The following DYNC2I1 variants were observed in gnomAD, a reference collection of about 807,000 sequenced individuals.
The protein encoded by DYNC2I1 is cytoplasmic dynein 2 intermediate chain 1.
In DYNC2I1, 89 loss-of-function variants were observed where a neutral mutation model predicts 133.4. The observed-to-expected ratio is 0.67, with a 90% confidence interval of 0.56 to 0.80. DYNC2I1 has a LOEUF of 0.80. DYNC2I1 is among the 30% of genes least tolerant of loss of function. The pLI is 0.00. For synonymous variants in DYNC2I1, 504 were observed against 484.3 expected, an observed-to-expected ratio of 1.04 and a Z score of -0.54; for missense variants, 1,291 against 1,314.5, an observed-to-expected ratio of 0.98 and a Z score of 0.28.
upstream of DYNC2I1, among the ~76,000 whole-genome samples, chr7:158,852,140 T>G (rs1344218118): frequency 6.6e-6 from 1 of 151,894 alleles, no homozygotes; most frequent in Non-Finnish European, 1.5e-5. Context: ...GTTTTTTTTT[T>G]TCTTAGATGG....
intron 8 of DYNC2I1, among the ~76,000 whole-genome samples, chr7:158,894,306 C>T (rs1253191265): frequency 6.6e-6 from 1 of 152,160 alleles, no homozygotes. Context: ...TACTGCATGT[C>T]ACTAGTCCAG....
chr7:158,879,614 C>T, intron 4 of DYNC2I1, 70 bp from the exon 5 acceptor site: 3 of 1,476,548 alleles, frequency 2.0e-6, no homozygotes, highest in Non-Finnish European at 2.7e-6. Context: ...GCAGAACCCA[C>T]AGAGAGGGAG....
chr7:158,902,971 C>T, intron 10 of DYNC2I1: 1 of 194,004 alleles, frequency 5.2e-6, no homozygotes, highest in Non-Finnish European at 1.0e-5. Context: ...CAGTGGGAAG[C>T]CTGACTCATG....
At chr7:158,848,420 C>G in the DYNC2I1 span, among the ~76,000 whole-genome samples, 14 of 152,176 alleles carry the variant, frequency 9.2e-5, no homozygotes, top group Non-Finnish European at 1.9e-4. Flanking sequence ...TTTGAGAAGT[C>G]TCATCAAATT....
At chr7:158,912,293 G>C (rs761517415) in intron 12 of DYNC2I1, among the ~76,000 whole-genome samples, 1 of 152,118 alleles carries the variant, frequency 6.6e-6, no homozygotes, top group Non-Finnish European at 1.5e-5. Context: ...AGGTTCTAAA[G>C]ATTTTGAAGT....
At chr7:158,915,292 GGAT>G (rs1847962658) in intron 14 of DYNC2I1, among the ~76,000 whole-genome samples, 2 of 152,308 alleles carry the variant, frequency 1.3e-5, no homozygotes, top group South Asian at 4.1e-4. Context: ...TTGAGATTAA[GGAT>G]GATTGTGAAA....
intron 23 of DYNC2I1, among the ~76,000 whole-genome samples, chr7:158,937,268 C>T (rs1421287841): frequency 6.6e-6 from 1 of 152,186 alleles, no homozygotes; most frequent in African/African-American, 2.4e-5. Context: ...TCATTATAGG[C>T]TGTCAGCAGC....
the DYNC2I1 span, among the ~76,000 whole-genome samples, chr7:158,851,178 C>A: frequency 6.6e-6 from 1 of 152,056 alleles, no homozygotes; most frequent in Non-Finnish European, 1.5e-5. Flanking sequence ...TAGTAAGAGT[C>A]TTTTCTTTTG....
chr7:158,897,520 T>A (rs1179980416), intron 8 of DYNC2I1, among the ~76,000 whole-genome samples: 2 of 152,238 alleles, frequency 1.3e-5, no homozygotes, highest in Non-Finnish European at 2.9e-5. Context: ...TTATCAAATT[T>A]ATGGGCATAG....
At chr7:158,902,623 T>C in intron 10 of DYNC2I1, 28 bp downstream of exon 10, 1 of 1,603,336 alleles carries the variant, frequency 6.2e-7, no homozygotes, top group Non-Finnish European at 8.5e-7. Flanking sequence ...ACTAATGGTG[T>C]CCGTGCTCTT....
chr7:158,874,209 ATT>A (rs35679970), intron 3 of DYNC2I1, among the ~76,000 whole-genome samples: 8 of 141,176 alleles, frequency 5.7e-5, no homozygotes, highest in Middle Eastern at 3.8e-3. Context: ...GGCCTAATTA[ATT>A]TTTTTTTTTT....
At chr7:158,849,822 A>G in the DYNC2I1 span, among the ~76,000 whole-genome samples, 1 of 152,034 alleles carries the variant, frequency 6.6e-6, no homozygotes, top group East Asian at 1.9e-4. Context: ...GCTTTTATGG[A>G]CCTCAGAGGG....
In DYNC2I1 at chr7:158,911,428, G is replaced by A; in HGVS notation, c.1461-122G>A. 3.6e-6 allele frequency: 4 copies of A among 1,098,346 alleles called. No individual in the cohort carries two copies. In the South Asian group the frequency reaches 5.1e-5, roughly 14 times the overall value. The allele number at this position is 1,098,346 out of a possible 1,614,324, so 68.0% of individuals were successfully genotyped here. A position where few individuals can be genotyped will look rare whatever the true frequency, so the allele number is the denominator to read the frequency against. On this transcript the variant is annotated intron_variant, in intron 11 of 24. Transcript: ENST00000407559. ...TGTTAAATATCTCAGACTCACCCCA[G>A]CCTGAAGCTAGGTTTCTGACAATAA...
chr7:158,882,265 G>T (rs903462633), intron 5 of DYNC2I1, among the ~76,000 whole-genome samples: 1 of 152,108 alleles, frequency 6.6e-6, no homozygotes, highest in Non-Finnish European at 1.5e-5. Context: ...AGAAGCCATA[G>T]GATAAAGAAC....
rs549073446 is a variant in DYNC2I1 at position 158,945,320 on chromosome 7, G to C, written c.3003-261G>C. Among the ~76,000 whole-genome samples, 6 of 152,276 alleles carry C rather than the reference G, an allele frequency of 3.9e-5. No individual in the cohort carries two copies. Among genetic ancestry groups the C allele is most frequent in the Non-Finnish European group, 4.4e-5 (3 of 68,012 alleles). On this transcript the variant is annotated intron_variant, in intron 24 of 24. Transcript: ENST00000407559. The surrounding 1 kb of genome is among the most constrained non-coding windows in gnomAD (Gnocchi z 4.1). The stretch of plus-strand genomic sequence containing the variant: ...CACCTTCTCCAGGGACCTGCTGGGG[G>C]CTACTGACTCCCGGCCTGAGGAGAC...
At chr7:158,946,478 G>A (rs1170521803), downstream of DYNC2I1, among the ~76,000 whole-genome samples, 2 of 152,346 alleles carry the variant, frequency 1.3e-5, no homozygotes, top group South Asian at 2.1e-4. Context: ...CCCGTGTTTC[G>A]TGTCTGGTCA....
Position 158,945,367 on chromosome 7 carries a change from A to G in DYNC2I1, c.3003-214A>G, listed in dbSNP as rs1585267187. 6.6e-6 allele frequency among the ~76,000 whole-genome samples: 1 copy of G among 152,032 alleles called. No homozygotes were observed. The highest frequency in any genetic ancestry group is 1.5e-5 in the Non-Finnish European group (1 of 68,002). ...AGACAGCAGCACGTCCTCATCACTT[A>G]CCTCTGCGAAGTTCCATCTGGCAGG... On this transcript the variant is annotated intron_variant, in intron 24 of 24. Transcript: ENST00000407559. This position sits in a 1 kb window ranked among gnomAD's most constrained non-coding sequence, Gnocchi z 4.1.
In DYNC2I1 at chr7:158,857,540, G is replaced by GT. The variant is rs1278230154; in HGVS notation, c.15+806dup. On this transcript the variant is annotated intron_variant, in intron 1 of 24. Transcript: ENST00000407559. Reference sequence around the variant, plus strand: ...TATGTTATATAAACCTTAGGTTTTTGTTTTTTTTTTTTTTTTGAGATGGAG... The same window carrying GT: ...TATGTTATATAAACCTTAGGTTTTTGTTTTTTTTTTTTTTTTTGAGATGGAG... Among the ~76,000 whole-genome samples the GT allele has an allele frequency of 7.5e-3, 760 of 100,838 alleles. 6 individuals carry two copies. The highest frequency in any genetic ancestry group is 0.011 in the Non-Finnish European group (567 of 49,348). 66.2% of individuals were successfully genotyped at this position (100,838 alleles called of 152,430 possible). A position where few individuals can be genotyped will look rare whatever the true frequency, so the allele number is the denominator to read the frequency against.
At chr7:158,912,862 C>A in intron 12 of DYNC2I1, 123 bp from the exon 13 acceptor site, 1 of 675,820 alleles carries the variant, frequency 1.5e-6, no homozygotes, top group Non-Finnish European at 2.5e-6. Flanking sequence ...GTTGTCTTTG[C>A]ATGATTGTTC....
Sources: gnomAD v4.1 joint callset for allele counts (sites outside exome capture counted in the v4.1 genomes callset) on GRCh38, gnomAD v4.1.1 for gene constraint, Gnocchi (gnomAD v3.1) non-coding constraint, MANE v1.5 for transcripts, NCBI Gene and HGNC (gene_info 2026-07-23, HGNC 2026-07-21) for gene names.